FTO: variants seen among roughly 807,000 people sequenced by gnomAD.
The protein encoded by FTO is FTO alpha-ketoglutarate dependent dioxygenase.
A neutral mutation model predicts 63.9 loss-of-function variants in FTO; 47 were observed. The observed-to-expected ratio is 0.74, with a 90% CI of 0.58 to 0.94. The LOEUF is 0.94. Among genes scored for constraint, FTO ranks in the 40% least tolerant of loss-of-function variants. The probability of loss-of-function intolerance (pLI) is 0.00; values close to 1 mark genes in which losing one functional copy is unlikely to be tolerated. For missense variants in FTO, 562 were observed against 618.1 expected (o/e 0.91, Z 0.96); for synonymous variants, 207 against 224.4 (o/e 0.92, Z 0.69).
chr16:54,080,244 A>G (rs1240647912), intron 8 of FTO, among the ~76,000 whole-genome samples: 1 of 152,194 alleles, frequency 6.6e-6, no homozygotes, highest in African/African-American at 2.4e-5. Flanking sequence ...GAAAAGTAGA[A>G]GCATTCCTGA....
At chr16:53,756,383 C>G (rs2076924687) in intron 1 of FTO, among the ~76,000 whole-genome samples, 1 of 152,134 alleles carries the variant, frequency 6.6e-6, no homozygotes, top group Non-Finnish European at 1.5e-5. Context: ...TTTGTTAAGG[C>G]CATAGGAAGC....
intron 8 of FTO, chr16:53,979,436 G>A (rs542356043): frequency 1.3e-4 from 50 of 398,434 alleles, no homozygotes; most frequent in Non-Finnish European, 1.7e-4. Flanking sequence ...TTGGCAGCAT[G>A]GAATATTACA....
chr16:53,892,610 G>A (rs192299406), intron 7 of FTO, among the ~76,000 whole-genome samples: 44 of 151,912 alleles, frequency 2.9e-4, no homozygotes, highest in Middle Eastern at 3.4e-3. Flanking sequence ...TTGTAAAATC[G>A]TGCGTGTTGT....
At chr16:53,712,606 C>G (rs2075801348) in intron 1 of FTO, among the ~76,000 whole-genome samples, 1 of 152,148 alleles carries the variant, frequency 6.6e-6, no homozygotes, top group East Asian at 1.9e-4. Context: ...TGTTTCCTAA[C>G]CCTCCTAGTA....
At position 53,934,009 on chromosome 16, in the gene FTO, A is replaced by G; in HGVS notation, c.1264A>G (p.Lys422Glu). ...GACAAATGCTGTGCTTCATGAAGTT[A>G]AAAGAGAGGGGCTCCCCGTGGAACA... ...GVTNAVLHEV[K>E]REGLPVEQRN... is the part of the protein sequence containing the mutation. Residue 422 changes from lysine (K) to glutamate (E), a missense_variant, in exon 8 of 9, where the codon AAA (lysine) becomes GAA (glutamate). Physicochemically the swap from Lys to Glu is moderately conservative, Grantham distance 56. Transcript: ENST00000471389. The G allele has an allele frequency of 6.2e-7, 1 of 1,613,954 alleles. No homozygotes were observed. Among genetic ancestry groups the G allele is most frequent in the Non-Finnish European group, 8.5e-7 (1 of 1,179,890 alleles).
intron 6 of FTO, among the ~76,000 whole-genome samples, chr16:53,883,547 G>A (rs935553028): frequency 2.0e-5 from 3 of 150,728 alleles, no homozygotes; most frequent in East Asian, 2.0e-4. Context: ...GCTTGAACCC[G>A]GGAGGCAGAA....
At chr16:54,014,850 C>CTTT (rs149634902) in intron 8 of FTO, among the ~76,000 whole-genome samples, 52 of 102,922 alleles carry the variant, frequency 5.1e-4, no homozygotes, top group Non-Finnish European at 7.5e-4. Context: ...CTCTCTCTCT[C>CTTT]TTTTTTTTTT....
At chr16:54,060,243 T>C (rs2085538107) in intron 8 of FTO, among the ~76,000 whole-genome samples, 1 of 152,240 alleles carries the variant, frequency 6.6e-6, no homozygotes, top group Non-Finnish European at 1.5e-5. Flanking sequence ...TTTCCACTTT[T>C]AACTCTCCTC....
chr16:54,050,373 T>A (rs1396569327), intron 8 of FTO, among the ~76,000 whole-genome samples: 1 of 152,158 alleles, frequency 6.6e-6, no homozygotes, highest in Non-Finnish European at 1.5e-5. Flanking sequence ...ATCTTGGAGA[T>A]CAGCTTCTTT....
chr16:54,084,393 G>A (rs768929207), intron 8 of FTO, among the ~76,000 whole-genome samples: 2 of 152,138 alleles, frequency 1.3e-5, no homozygotes, highest in Non-Finnish European at 1.5e-5. Context: ...GCTGGCCTAC[G>A]TACAGATTGC....
At chr16:53,792,088 A>AAAT (rs1567990364) in intron 1 of FTO, among the ~76,000 whole-genome samples, 6 of 150,162 alleles carry the variant, frequency 4.0e-5, no homozygotes, top group Admixed American at 1.3e-4. Context: ...AAAAAAAAAA[A>AAAT]AAAAATAAAA....
In FTO at chr16:53,714,842, C is replaced by T. The variant is rs529244657; in HGVS notation, c.45+10613C>T. ...TGCAAGGGAGGAAAGGATGAGTAGC[C>T]AGTGTTCCCAGCTTTTAAAATCATC... On this transcript the variant is annotated intron_variant, in intron 1 of 8. Transcript: ENST00000471389. Among the ~76,000 whole-genome samples, 7 of 152,140 alleles carry T rather than the reference C, an allele frequency of 4.6e-5. No homozygotes were observed. In the South Asian group the frequency reaches 1.5e-3, roughly 32 times the overall value.
At chr16:53,999,601 C>T (rs2084022153) in intron 8 of FTO, 1 of 152,134 alleles carries the variant, frequency 6.6e-6, no homozygotes, top group Non-Finnish European at 1.5e-5. Context: ...GCTTGGTAGT[C>T]CCTGAACAGT....
chr16:54,111,843 G>A lies in FTO; in HGVS notation c.1446G>A (p.Ser482=), dbSNP rs770852343. The change falls in exon 9 of 9, where the codon TCG becomes TCA. Residue 482 remains serine, a synonymous_variant. Coordinates refer to ENST00000471389, the MANE Select transcript of FTO (RefSeq NM_001080432.3). ...CRPYWEKDDA[S]MPLPFDLTDI... Reference sequence around the variant, plus strand: ...CATACTGGGAAAAGGATGATGCTTCGATGCCTCTGCCGTTTGACCTCACAG... The same window carrying A: ...CATACTGGGAAAAGGATGATGCTTCAATGCCTCTGCCGTTTGACCTCACAG... The A allele has an allele frequency of 5.6e-6, 9 of 1,614,100 alleles. No homozygotes were observed. The highest frequency in any genetic ancestry group is 1.6e-4 in the Middle Eastern group (1 of 6,062).
chr16:53,876,567 A>G (rs2080660186), intron 5 of FTO, among the ~76,000 whole-genome samples: 3 of 152,228 alleles, frequency 2.0e-5, no homozygotes, highest in African/African-American at 7.2e-5. Flanking sequence ...AAATATTCCA[A>G]GAATTCTTAG....
intron 8 of FTO, among the ~76,000 whole-genome samples, chr16:53,979,945 A>T (rs780302189): frequency 6.6e-6 from 1 of 152,214 alleles, no homozygotes; most frequent in Non-Finnish European, 1.5e-5. Context: ...AAGCCAAAGC[A>T]CATTGGCTTA....
At chr16:53,953,679 G>A (rs908316918) in intron 8 of FTO, among the ~76,000 whole-genome samples, 16 of 152,092 alleles carry the variant, frequency 1.1e-4, no homozygotes, top group African/African-American at 4.8e-5. Context: ...ATATAAACAC[G>A]TAGGAATCTT....
intron 1 of FTO, chr16:53,711,540 G>T: frequency 2.5e-6 from 1 of 398,088 alleles, no homozygotes; most frequent in Non-Finnish European, 4.4e-6. Flanking sequence ...TAGTAGTCAT[G>T]GAATTCCTTC....
At chr16:53,789,751 TAC>T (rs2151682712) in intron 1 of FTO, among the ~76,000 whole-genome samples, 1 of 123,274 alleles carries the variant, frequency 8.1e-6, no homozygotes, top group East Asian at 2.1e-4. Context: ...GTCTGGAACA[TAC>T]ATATATATAT....
Sources: allele counts gnomAD v4.1 joint callset (sites outside exome capture counted in the v4.1 genomes callset), GRCh38; gene constraint gnomAD v4.1.1; transcripts MANE v1.5; gene names NCBI Gene and HGNC (gene_info 2026-07-23, HGNC 2026-07-21).